NEK6: variants seen among roughly 807,000 people sequenced by gnomAD.
NEK6 encodes NIMA related kinase 6, also known as serine/threonine-protein kinase Nek6.
Under a neutral mutation model 43.5 loss-of-function variants are expected in NEK6, and 27 were observed. The observed-to-expected ratio is 0.62, with a 90% CI of 0.46 to 0.86. NEK6 has a LOEUF of 0.86. Ranked by LOEUF, NEK6 falls within the 40% of genes least tolerant of loss-of-function variation. The pLI is 0.00. For missense variants in NEK6, 318 were observed against 414.4 expected, an observed-to-expected ratio of 0.77 and a Z score of 2.02; for synonymous variants, 167 against 164.1, an observed-to-expected ratio of 1.02 and a Z score of -0.14.
intron 9 of NEK6, among the ~76,000 whole-genome samples, 164 bp from the exon 10 acceptor site, chr9:124,350,673 C>A (rs1318969366): frequency 1.3e-5 from 2 of 152,168 alleles, no homozygotes; most frequent in Non-Finnish European, 2.9e-5. Flanking sequence ...CGGCTGCGCA[C>A]CCCTTACTTG....
chr9:124,291,884 G>A (rs1432153980), intron 1 of NEK6: 20 of 985,550 alleles, frequency 2.0e-5, no homozygotes, highest in African/African-American at 3.5e-5. Context: ...AGCAGCGCAT[G>A]GTGGGGGAGT....
chr9:124,335,769 G>T (rs1408058183), intron 7 of NEK6, among the ~76,000 whole-genome samples: 2 of 152,196 alleles, frequency 1.3e-5, no homozygotes, highest in African/African-American at 4.8e-5. Context: ...CACCATTACA[G>T]CCTCTCCAAA....
intron 2 of NEK6, among the ~76,000 whole-genome samples, chr9:124,306,100 A>G (rs1486061353): frequency 1.3e-5 from 2 of 152,118 alleles, no homozygotes; most frequent in African/African-American, 4.8e-5. Context: ...AGGTGAGATG[A>G]TGCCTCATGG....
At chr9:124,311,256 C>T (rs757580054) in intron 2 of NEK6, among the ~76,000 whole-genome samples, 2 of 152,216 alleles carry the variant, frequency 1.3e-5, no homozygotes, top group Non-Finnish European at 2.9e-5. Context: ...GTGACCCTCA[C>T]CAAAGACCCA....
chr9:124,317,184 C>T (rs1297614536), intron 4 of NEK6, among the ~76,000 whole-genome samples: 2 of 152,182 alleles, frequency 1.3e-5, no homozygotes, highest in Non-Finnish European at 2.9e-5. Context: ...CTGAGGGCAG[C>T]GATGTGATGG....
intron 1 of NEK6, among the ~76,000 whole-genome samples, chr9:124,268,523 A>G (rs979175095): frequency 1.3e-5 from 2 of 152,200 alleles, no homozygotes; most frequent in African/African-American, 4.8e-5. Flanking sequence ...GCAGAAATGC[A>G]AATGGCACAG....
chr9:124,343,598 G>A lies in NEK6; in HGVS notation c.717+3933G>A, dbSNP rs1243913017. 1.3e-5 allele frequency among the ~76,000 whole-genome samples: 2 copies of A among 152,148 alleles called. No homozygotes were observed. Among genetic ancestry groups the A allele is most frequent in the African/African-American group, 4.8e-5 (2 of 41,438 alleles). On this transcript the variant is annotated intron_variant, in intron 8 of 9. Transcript: ENST00000320246. This position sits in a 1 kb window ranked among gnomAD's most constrained non-coding sequence, Gnocchi z 5.1. ...GCGTTTCCCCAGCAGACAGGGAGGA[G>A]AGCCACATCTGAGCCCACGGCCATG...
At chr9:124,282,804 T>C (rs947003655) in intron 1 of NEK6, among the ~76,000 whole-genome samples, 1 of 152,232 alleles carries the variant, frequency 6.6e-6, no homozygotes, top group Admixed American at 6.5e-5. Context: ...TTTGGTCCTT[T>C]GGTGGCACCA....
In NEK6 at chr9:124,289,202, C is replaced by T. The variant is rs535431288; in HGVS notation, c.-29-12734C>T. 1.7e-3 allele frequency among the ~76,000 whole-genome samples: 133 copies of T among 77,464 alleles called. 4 individuals are homozygous for T. The highest frequency in any genetic ancestry group is 2.9e-3 in the Non-Finnish European group (99 of 33,728). 50.8% of individuals were successfully genotyped at this position (77,464 alleles called of 152,430 possible). ...CCCCCCCCCGCCACACACACACACACACACACACACACACACACACACACA... is the reference window on the plus strand; with the variant it reads ...CCCCCCCCCGCCACACACACACACATACACACACACACACACACACACACA... On this transcript the variant is annotated intron_variant, in intron 1 of 9. Coordinates refer to ENST00000320246, the MANE Select transcript of NEK6 (RefSeq NM_014397.6).
chr9:124,341,128 C>T (rs931108752), intron 8 of NEK6, among the ~76,000 whole-genome samples: 17 of 152,244 alleles, frequency 1.1e-4, no homozygotes, highest in African/African-American at 3.9e-4. Flanking sequence ...CTGCGGCCTC[C>T]ACCTCCCAGG....
chr9:124,284,132 T>A (rs1832046311), intron 1 of NEK6, among the ~76,000 whole-genome samples: 1 of 152,228 alleles, frequency 6.6e-6, no homozygotes, highest in African/African-American at 2.4e-5. Context: ...GAGGATCACC[T>A]GAGGTTGGGA....
chr9:124,325,780 C>T (rs1014201694), intron 5 of NEK6, among the ~76,000 whole-genome samples: 5 of 152,186 alleles, frequency 3.3e-5, no homozygotes, highest in Non-Finnish European at 7.3e-5. Flanking sequence ...CTTTTGAGTG[C>T]GTCAAGCCCA....
At chr9:124,280,770 C>T (rs769473163) in intron 1 of NEK6, among the ~76,000 whole-genome samples, 6 of 152,170 alleles carry the variant, frequency 3.9e-5, no homozygotes, top group Non-Finnish European at 7.4e-5. Context: ...TATAATTTCA[C>T]GCTTTGCTTT....
rs1831628684 is a variant in NEK6 at position 124,275,842 on chromosome 9, T to A, written c.-30+17757T>A. 1.3e-5 allele frequency among the ~76,000 whole-genome samples: 2 copies of A among 152,266 alleles called. No homozygotes were observed. The highest frequency in any genetic ancestry group is 2.1e-4 in the South Asian group (1 of 4,830). On this transcript the variant is annotated intron_variant, in intron 1 of 9. Transcript: ENST00000320246. This position sits in a 1 kb window ranked among gnomAD's most constrained non-coding sequence, Gnocchi z 4.4. ...CCTGTGGCCATGGGGACAGCTGAGA[T>A]GCTGAGACCACTGTGTCCAAAGCCC... is the stretch of plus-strand genomic sequence containing the variant.
At chr9:124,344,685 G>A (rs1040329227) in intron 8 of NEK6, among the ~76,000 whole-genome samples, 1 of 152,190 alleles carries the variant, frequency 6.6e-6, no homozygotes, top group African/African-American at 2.4e-5. Context: ...TTATCTATGT[G>A]GGAGCTCAGC....
intron 8 of NEK6, among the ~76,000 whole-genome samples, chr9:124,345,279 T>C (rs897840487): frequency 1.2e-4 from 19 of 152,136 alleles, no homozygotes; most frequent in Admixed American, 4.6e-4. Flanking sequence ...CCGTCCAGGG[T>C]AATCGTTGTA....
At position 124,257,979 on chromosome 9, in the gene NEK6, C is replaced by T. The variant is rs886165909; in HGVS notation, c.-136C>T. ...GGCGGCGGCGGCGGAACCGAGCTGACGGGCGTGCGGCCGCTGCGCCGCAAA... is the reference window on the plus strand; with the variant it reads ...GGCGGCGGCGGCGGAACCGAGCTGATGGGCGTGCGGCCGCTGCGCCGCAAA... On this transcript the variant is annotated 5_prime_UTR_variant, in exon 1 of 10. In the 5' UTR this introduces an upstream ATG that the reference lacks. Transcript: ENST00000320246. The T allele has an allele frequency of 7.2e-6, 7 of 978,612 alleles. No individual in the cohort carries two copies. The highest frequency in any genetic ancestry group is 5.3e-5 in the African/African-American group (3 of 56,398). 60.6% of individuals were successfully genotyped at this position (978,612 alleles called of 1,614,324 possible). A position where few individuals can be genotyped will look rare whatever the true frequency, so the allele number is the denominator to read the frequency against.
At chr9:124,311,322 G>C (rs559816231) in intron 2 of NEK6, among the ~76,000 whole-genome samples, 1 of 152,322 alleles carries the variant, frequency 6.6e-6, no homozygotes, top group East Asian at 1.9e-4. Context: ...CGGTGGCATG[G>C]AGCTGGGTGA....
intron 1 of NEK6, chr9:124,261,109 G>GC (rs1437589404): frequency 6.6e-6 from 1 of 152,174 alleles, no homozygotes; most frequent in Non-Finnish European, 1.5e-5. Context: ...ACCACATCTG[G>GC]CTGCCTTTGT....
Sources: allele counts gnomAD v4.1 joint callset (sites outside exome capture counted in the v4.1 genomes callset), GRCh38; gene constraint gnomAD v4.1.1; non-coding constraint Gnocchi (gnomAD v3.1); transcripts MANE v1.5; gene names NCBI Gene and HGNC (gene_info 2026-07-23, HGNC 2026-07-21).